Variants in ATOX1 observed in about 807,000 individuals in gnomAD.
The protein encoded by ATOX1 is copper transport protein ATOX1.
In ATOX1, 4 loss-of-function variants were observed where a neutral mutation model predicts 7.3. The ratio of observed to expected loss-of-function variants is 0.55; its 90% CI spans 0.27 to 1.25. The LOEUF (loss-of-function observed/expected upper bound fraction) is 1.25. Ranked by LOEUF, ATOX1 falls within the 50% of genes most tolerant of loss-of-function variation. The probability of loss-of-function intolerance (pLI) is 0.12; values close to 1 mark genes in which losing one functional copy is unlikely to be tolerated. For synonymous variants in ATOX1, 25 were observed against 28.7 expected, an observed-to-expected ratio of 0.87 and a Z score of 0.41; for missense variants, 68 against 81.6, an observed-to-expected ratio of 0.83 and a Z score of 0.64.
intron 2 of ATOX1, among the ~76,000 whole-genome samples, chr5:151,747,589 CT>C (rs768787270): frequency 0.013 from 1,569 of 124,654 alleles, 8 homozygotes; most frequent in African/African-American, 0.028. Flanking sequence ...CCGGTCCATT[CT>C]TTTTTTTTTT....
intron 2 of ATOX1, among the ~76,000 whole-genome samples, chr5:151,746,931 G>A (rs1761885522): frequency 6.6e-6 from 1 of 151,972 alleles, no homozygotes; most frequent in Admixed American, 6.6e-5. Context: ...ACAGGGTTTT[G>A]TCATGTTGCC....
intron 2 of ATOX1, among the ~76,000 whole-genome samples, chr5:151,749,729 T>C (rs1273934248): frequency 6.8e-6 from 1 of 147,710 alleles, no homozygotes; most frequent in African/African-American, 2.5e-5. Context: ...ACATACAAGA[T>C]ATACATTCCC....
At chr5:151,746,483 A>C in intron 2 of ATOX1, 34 bp from the exon 3 acceptor site, 1 of 1,612,330 alleles carries the variant, frequency 6.2e-7, no homozygotes, top group South Asian at 1.1e-5. Context: ...TGGGGAGAGG[A>C]AGCACAGACC....
intron 1 of ATOX1, among the ~76,000 whole-genome samples, chr5:151,757,420 C>T (rs561333024): frequency 6.6e-6 from 1 of 152,238 alleles, no homozygotes; most frequent in South Asian, 2.1e-4. Context: ...TATCAGATTC[C>T]TTATCCATAC....
intron 1 of ATOX1, among the ~76,000 whole-genome samples, chr5:151,755,238 C>CAACA (rs769042809): frequency 1.2e-4 from 19 of 152,238 alleles, no homozygotes; most frequent in Non-Finnish European, 2.1e-4. Flanking sequence ...TTTGCAAGAT[C>CAACA]AACATAAGAG....
chr5:151,758,537 A>G lies in ATOX1; in HGVS notation c.6+9T>C, dbSNP rs773058766. 6.8e-7 allele frequency: 1 copy of G among 1,462,134 alleles called. No individual in the cohort carries two copies. The highest frequency in any genetic ancestry group is 9.1e-7 in the Non-Finnish European group (1 of 1,103,190). 90.6% of individuals were successfully genotyped at this position (1,462,134 alleles called of 1,614,324 possible). ...AAGTCTGCGTGGCGGGGACGGCGCAACCACTCACCGGCATGACTGAGGCAG... is the reference window on the plus strand; with the variant it reads ...AAGTCTGCGTGGCGGGGACGGCGCAGCCACTCACCGGCATGACTGAGGCAG... On this transcript the variant is annotated intron_variant, in intron 1 of 3. Coordinates refer to ENST00000313115, the MANE Select transcript of ATOX1 (RefSeq NM_004045.4).
chr5:151,746,437 T>C lies in ATOX1; in HGVS notation c.95A>G (p.Asp32Gly), dbSNP rs916850910. The C allele has an allele frequency of 6.2e-7, 1 of 1,613,696 alleles. No homozygotes were observed. The highest frequency in any genetic ancestry group is 8.5e-7 in the Non-Finnish European group (1 of 1,179,770). ...VLNKLGGVKY[D>G]IDLPNKKVCI... Reference sequence around the variant, plus strand: ...GACCTTCTTGTTGGGCAGGTCAATGTCATACTTAACTCCTGCAGGAAGAGG... The same window carrying C: ...GACCTTCTTGTTGGGCAGGTCAATGCCATACTTAACTCCTGCAGGAAGAGG... Residue 32 changes from aspartate (D) to glycine (G), a missense_variant, in exon 3 of 4, where the codon GAC becomes GGC. Physicochemically the swap from Asp to Gly is moderately conservative, Grantham distance 94. Coordinates refer to ENST00000313115, the MANE Select transcript of ATOX1 (RefSeq NM_004045.4).
At chr5:151,747,482 C>G (rs1169759209) in intron 2 of ATOX1, among the ~76,000 whole-genome samples, 1 of 151,638 alleles carries the variant, frequency 6.6e-6, no homozygotes, top group East Asian at 1.9e-4. Flanking sequence ...GACAGGGTTT[C>G]GCATATTGCC....
chr5:151,752,809 G>C (rs999422706), intron 1 of ATOX1, among the ~76,000 whole-genome samples: 1 of 152,114 alleles, frequency 6.6e-6, no homozygotes, highest in African/African-American at 2.4e-5. Flanking sequence ...TTGAGGGTAA[G>C]AGTCCCTCTC....
chr5:151,743,380 A>G (rs1234575809), intron 3 of ATOX1: 1 of 152,166 alleles, frequency 6.6e-6, no homozygotes. Context: ...AAAACCAATA[A>G]ACACTCTATC....
intron 1 of ATOX1, among the ~76,000 whole-genome samples, chr5:151,754,980 C>CAAAAAAAAAAAAA: frequency 2.0e-5 from 1 of 48,878 alleles, no homozygotes; most frequent in Non-Finnish European, 4.4e-5. Flanking sequence ...AGACACCGTC[C>CAAAAAAAAAAAAA]AAAAAAAAAA....
Position 151,752,415 on chromosome 5 carries a change from G to A in ATOX1, c.7-636C>T, listed in dbSNP as rs572567272. The A allele has an allele frequency of 1.7e-4, 121 of 696,852 alleles. 2 individuals carry two copies. Among genetic ancestry groups the A allele is most frequent in the African/African-American group, 1.7e-3 (93 of 55,050 alleles). 43.2% of individuals were successfully genotyped at this position (696,852 alleles called of 1,614,324 possible). On this transcript the variant is annotated intron_variant, in intron 1 of 3. Coordinates refer to ENST00000313115, the MANE Select transcript of ATOX1 (RefSeq NM_004045.4). ...GGAGGCCAGGCAGGAAGGGATCCCCGGCTCCTAGTCTTCATGTAAGCTCTA... is the reference window on the plus strand; with the variant it reads ...GGAGGCCAGGCAGGAAGGGATCCCCAGCTCCTAGTCTTCATGTAAGCTCTA...
intron 1 of ATOX1, chr5:151,752,197 C>G: frequency 2.9e-6 from 2 of 700,946 alleles, no homozygotes; most frequent in Non-Finnish European, 2.6e-6. Flanking sequence ...TTATGAACCA[C>G]AAAATTATTT....
intron 1 of ATOX1, chr5:151,752,269 G>A (rs1761961245): frequency 4.3e-6 from 3 of 702,592 alleles, no homozygotes; most frequent in Non-Finnish European, 5.2e-6. Flanking sequence ...GGTCTGGGCT[G>A]GGGAATCTGT....
intron 2 of ATOX1, 50 bp from the exon 3 acceptor site, chr5:151,746,499 A>G (rs1581555643): frequency 1.9e-6 from 3 of 1,607,872 alleles, no homozygotes; most frequent in Non-Finnish European, 2.6e-6. Context: ...AGACCCTCCC[A>G]GTTACAGCAA....
In ATOX1 at chr5:151,758,602, C is replaced by A; in HGVS notation, c.-51G>T. The stretch of plus-strand genomic sequence containing the variant: ...CGGTGTGGCGGCGGTGTCAGCAGCG[C>A]CTCTCTGGATTCGGAGGGCGGGTTC... On this transcript the variant is annotated 5_prime_UTR_variant, in exon 1 of 4. Transcript: ENST00000313115. 5 of 1,383,696 alleles carry A rather than the reference C, an allele frequency of 3.6e-6. No individual in the cohort carries two copies. The highest frequency in any genetic ancestry group is 4.7e-6 in the Non-Finnish European group (5 of 1,061,062). The allele number at this position is 1,383,696 out of a possible 1,614,324, so 85.7% of individuals were successfully genotyped here. A position where few individuals can be genotyped will look rare whatever the true frequency, so the allele number is the denominator to read the frequency against.
intron 1 of ATOX1, among the ~76,000 whole-genome samples, chr5:151,755,203 T>C (rs189788293): frequency 2.1e-4 from 32 of 152,314 alleles, no homozygotes; most frequent in African/African-American, 6.5e-4. Context: ...TTTGTACTTA[T>C]ATACTGAGCC....
intron 2 of ATOX1, 194 bp from the exon 3 acceptor site, chr5:151,746,643 T>C (rs901106893): frequency 3.5e-6 from 2 of 576,940 alleles, no homozygotes; most frequent in African/African-American, 3.8e-5. Context: ...ATAGACTCTG[T>C]TGTATATTCT....
At chr5:151,754,588 AT>A (rs1269168302) in intron 1 of ATOX1, among the ~76,000 whole-genome samples, 6 of 152,078 alleles carry the variant, frequency 3.9e-5, no homozygotes, top group South Asian at 2.1e-4. Flanking sequence ...GCTCCATTTA[AT>A]TTAAAAGAAA....
Sources: gnomAD v4.1 joint callset for allele counts (sites outside exome capture counted in the v4.1 genomes callset) on GRCh38, gnomAD v4.1.1 for gene constraint, MANE v1.5 for transcripts, NCBI Gene and HGNC (gene_info 2026-07-23, HGNC 2026-07-21) for gene names.